The following TANC2 variants were observed in gnomAD, a reference collection of about 807,000 sequenced individuals.
The protein encoded by TANC2 is tetratricopeptide repeat, ankyrin repeat and coiled-coil containing 2.
TANC2 carries 26 observed loss-of-function variants against 210.5 expected under a neutral mutation model. The ratio of observed to expected loss-of-function variants is 0.12; its 90% CI spans 0.09 to 0.17. The LOEUF (loss-of-function observed/expected upper bound fraction) is 0.17, where lower values mean the gene tolerates loss of function less well. Among genes scored for constraint, TANC2 ranks in the 10% least tolerant of loss-of-function variants. The pLI, the probability that TANC2 is intolerant of heterozygous loss-of-function variation, is 1.00. For missense variants in TANC2, 2,129 were observed against 2,608.9 expected, an observed-to-expected ratio of 0.82 and a Z score of 4.01; for synonymous variants, 931 against 967.1, an observed-to-expected ratio of 0.96 and a Z score of 0.69.
rs200553098 is a variant in TANC2, at chr17:63,175,530, C to T, written c.434-18461C>T. On this transcript the variant is annotated intron_variant, in intron 5 of 27. Coordinates refer to ENST00000689528, the Ensembl canonical transcript of TANC2. ...CGACGGAGTGAGACCCTGTCTCCCCCGCCAAAAAAAAAAAAAAAAAAAAAA... is the reference window on the plus strand; with the variant it reads ...CGACGGAGTGAGACCCTGTCTCCCCTGCCAAAAAAAAAAAAAAAAAAAAAA... Among the ~76,000 whole-genome samples the T allele has an allele frequency of 3.2e-4, 30 of 92,840 alleles. No homozygotes were observed. The East Asian group carries it at 6.2e-3, about 19-fold the overall frequency. 60.9% of individuals were successfully genotyped at this position (92,840 alleles called of 152,430 possible).
chr17:62,999,625 CT>C lies in TANC2; in HGVS notation c.-23-9900del, dbSNP rs565569876. ...AAACATTATGAGATTTTTTTTGTAA[CT>C]TTTTTTTTTTTAGCTAATCAACTAT... is the stretch of plus-strand genomic sequence containing the variant. On this transcript the variant is annotated intron_variant, in intron 1 of 27. Coordinates refer to ENST00000689528, the Ensembl canonical transcript of TANC2. Among the ~76,000 whole-genome samples the C allele has an allele frequency of 4.4e-3, 637 of 146,168 alleles. 2 individuals are homozygous for C. The highest frequency in any genetic ancestry group is 9.7e-3 in the African/African-American group (389 of 40,300).
chr17:63,340,502 A>T (rs546221590), intron 12 of TANC2, among the ~76,000 whole-genome samples, 170 bp downstream of exon 12: 1 of 152,166 alleles, frequency 6.6e-6, no homozygotes. Flanking sequence ...GCAAAAAAAA[A>T]AATCCAGCAG....
intron 3 of TANC2, among the ~76,000 whole-genome samples, chr17:63,096,112 T>G (rs1356432131): frequency 6.6e-6 from 1 of 152,146 alleles, no homozygotes; most frequent in Non-Finnish European, 1.5e-5. Context: ...TTTATGTAAC[T>G]GTAAAATACT....
chr17:63,274,767 A>G (rs1305198677), intron 9 of TANC2, among the ~76,000 whole-genome samples: 2 of 152,150 alleles, frequency 1.3e-5, no homozygotes, highest in Non-Finnish European at 2.9e-5. Flanking sequence ...GCAGTGAGCC[A>G]AGATCGTGCC....
At chr17:63,325,797 T>G (rs1358825970) in intron 11 of TANC2, among the ~76,000 whole-genome samples, 1 of 152,340 alleles carries the variant, frequency 6.6e-6, no homozygotes, top group Admixed American at 6.5e-5. Context: ...ATCAGATTCA[T>G]GTGTTCCGGG....
chr17:63,340,264 C>T, exon 12 of TANC2: 1 of 1,613,960 alleles, frequency 6.2e-7, no homozygotes, highest in Non-Finnish European at 8.5e-7. Flanking sequence ...AGCCTTCGTT[C>T]CTGTGTTCAA....
intron 14 of TANC2, among the ~76,000 whole-genome samples, chr17:63,356,742 A>G (rs1567948279): frequency 6.6e-6 from 1 of 152,242 alleles, no homozygotes; most frequent in Non-Finnish European, 1.5e-5. Context: ...ACCTTTGGAA[A>G]AAGTTACATA....
chr17:62,971,413 T>A (rs184929844), intron 1 of TANC2, among the ~76,000 whole-genome samples: 1 of 152,332 alleles, frequency 6.6e-6, no homozygotes, highest in East Asian at 1.9e-4. Flanking sequence ...TATTGCAGCC[T>A]ACGTCTCCTG....
chr17:63,057,926 T>C (rs1210634961), intron 2 of TANC2, among the ~76,000 whole-genome samples: 2 of 152,042 alleles, frequency 1.3e-5, no homozygotes. Flanking sequence ...TAGAACAGTT[T>C]TGTATTCTTT....
intron 7 of TANC2, among the ~76,000 whole-genome samples, chr17:63,217,297 C>G (rs534686285): frequency 6.6e-6 from 1 of 152,292 alleles, no homozygotes; most frequent in South Asian, 2.1e-4. Context: ...CAATAAACCT[C>G]TACCTGTACT....
At chr17:63,417,067 AG>A (rs1817527811) in intron 26 of TANC2, among the ~76,000 whole-genome samples, 1 of 152,232 alleles carries the variant, frequency 6.6e-6, no homozygotes, top group South Asian at 2.1e-4. Context: ...TAAAAGGGTA[AG>A]GCTGGAAGCA....
chr17:63,303,702 T>C (rs189439375), intron 9 of TANC2, among the ~76,000 whole-genome samples: 1 of 152,230 alleles, frequency 6.6e-6, no homozygotes, highest in East Asian at 1.9e-4. Flanking sequence ...TCCAACTTGG[T>C]TCCATTTTCC....
At chr17:63,222,636 CTG>C (rs558253676) in intron 7 of TANC2, among the ~76,000 whole-genome samples, 257 of 152,156 alleles carry the variant, frequency 1.7e-3, no homozygotes, top group Non-Finnish European at 3.2e-3. Flanking sequence ...TACAGCATAA[CTG>C]GATACATTTG....
chr17:63,245,950 C>T (rs1042518461), intron 8 of TANC2, among the ~76,000 whole-genome samples: 3 of 150,762 alleles, frequency 2.0e-5, no homozygotes, highest in African/African-American at 7.3e-5. Flanking sequence ...GCGGAGGTTG[C>T]AGTGAGCCAA....
intron 2 of TANC2, among the ~76,000 whole-genome samples, chr17:63,033,362 T>C (rs936252002): frequency 3.3e-5 from 5 of 152,190 alleles, no homozygotes; most frequent in Non-Finnish European, 7.3e-5. Flanking sequence ...GAAGCTATTC[T>C]GGGGCTTTCA....
In TANC2 at chr17:63,042,052, T is replaced by A. The variant is rs979249237; in HGVS notation, c.68-31891T>A. Among the ~76,000 whole-genome samples the A allele has an allele frequency of 2.0e-4, 30 of 152,204 alleles. 1 individual carries two copies. Among genetic ancestry groups the A allele is most frequent in the African/African-American group, 6.8e-4 (28 of 41,456 alleles). ...TGTATGTTAGCTTTTACGTATTTATTATTCTTGGCTAGATAGTCTGCTGGA... is the reference window on the plus strand; with the variant it reads ...TGTATGTTAGCTTTTACGTATTTATAATTCTTGGCTAGATAGTCTGCTGGA... On this transcript the variant is annotated intron_variant, in intron 2 of 27. Transcript: ENST00000689528.
intron 7 of TANC2, among the ~76,000 whole-genome samples, chr17:63,227,832 A>C (rs1249603592): frequency 6.6e-6 from 1 of 151,892 alleles, no homozygotes; most frequent in Admixed American, 6.6e-5. Flanking sequence ...TGGCTAGCCA[A>C]TTCTCCCAGC....
intron 14 of TANC2, among the ~76,000 whole-genome samples, chr17:63,363,429 C>T (rs946305825): frequency 2.6e-5 from 4 of 152,156 alleles, no homozygotes; most frequent in African/African-American, 9.6e-5. Context: ...CCAGAAGTCT[C>T]TATCCAGACC....
chr17:63,096,307 A>G (rs1429388092), intron 3 of TANC2, among the ~76,000 whole-genome samples: 1 of 152,174 alleles, frequency 6.6e-6, no homozygotes, highest in Non-Finnish European at 1.5e-5. Context: ...CCAGAGATGA[A>G]TGAGAAGAAA....
Sources: gnomAD v4.1 joint callset for allele counts (sites outside exome capture counted in the v4.1 genomes callset) on GRCh38, gnomAD v4.1.1 for gene constraint, MANE v1.5 for transcripts, NCBI Gene and HGNC (gene_info 2026-07-23, HGNC 2026-07-21) for gene names.